The following PALMD variants were observed in gnomAD, a reference collection of about 807,000 sequenced individuals.
PALMD encodes palmdelphin.
A neutral mutation model predicts 56.2 loss-of-function variants in PALMD; 42 were observed. The observed-to-expected ratio is 0.75, with a 90% CI of 0.58 to 0.97. The LOEUF (loss-of-function observed/expected upper bound fraction) is 0.97. Among genes scored for constraint, PALMD ranks in the 50% least tolerant of loss-of-function variants. The pLI is 0.00. For missense variants in PALMD, 660 were observed against 643.8 expected, an observed-to-expected ratio of 1.03 and a Z score of -0.27; for synonymous variants, 242 against 222.9, an observed-to-expected ratio of 1.09 and a Z score of -0.76.
At chr1:99,679,981 C>T (rs541736861) in intron 3 of PALMD, among the ~76,000 whole-genome samples, 1 of 152,194 alleles carries the variant, frequency 6.6e-6, no homozygotes, top group East Asian at 1.9e-4. Context: ...AATGCTAACA[C>T]ATGAAGTACT....
At chr1:99,677,205 A>C (rs1018267859) in intron 3 of PALMD, among the ~76,000 whole-genome samples, 31 of 152,156 alleles carry the variant, frequency 2.0e-4, no homozygotes, top group Non-Finnish European at 7.4e-5. Flanking sequence ...TCTAGTTAAC[A>C]ACCTGAAATG....
At chr1:99,657,267 C>T (rs149824926) in intron 1 of PALMD, among the ~76,000 whole-genome samples, 3 of 152,160 alleles carry the variant, frequency 2.0e-5, no homozygotes, top group Admixed American at 6.5e-5. Flanking sequence ...TCAAACTTGG[C>T]GAATCCATCA....
chr1:99,665,190 G>A (rs1054626844), intron 2 of PALMD, among the ~76,000 whole-genome samples: 2 of 152,012 alleles, frequency 1.3e-5, no homozygotes, highest in African/African-American at 4.8e-5. Context: ...TGTAACTTCT[G>A]GGTAGATATA....
Position 99,662,393 on chromosome 1 carries a change from T to C in PALMD, c.120T>C (p.His40=). The stretch of plus-strand genomic sequence containing the variant: ...AGGAAGACAAACTAAAGCACCAGCA[T>C]TTGAAGGTAATTTATGGCTTTAATT... ...KIEEDKLKHQ[H]LKKKALREKW... is the part of the protein sequence containing the mutation. Residue 40 remains histidine (H), a synonymous_variant, in exon 2 of 8, where the codon CAT becomes CAC. Coordinates refer to ENST00000263174, the MANE Select transcript of PALMD (RefSeq NM_017734.5). The C allele has an allele frequency of 1.3e-6, 2 of 1,514,952 alleles. No homozygotes were observed. The highest frequency in any genetic ancestry group is 1.8e-6 in the Non-Finnish European group (2 of 1,099,426). The allele number at this position is 1,514,952 out of a possible 1,614,324, so 93.8% of individuals were successfully genotyped here.
chr1:99,659,931 G>C (rs1652810161), intron 1 of PALMD, among the ~76,000 whole-genome samples: 1 of 152,178 alleles, frequency 6.6e-6, no homozygotes, highest in Admixed American at 6.5e-5. Context: ...ACTTCGGATG[G>C]CATGCCTCTA....
intron 3 of PALMD, among the ~76,000 whole-genome samples, chr1:99,678,496 C>A (rs993639577): frequency 3.9e-5 from 6 of 152,118 alleles, no homozygotes; most frequent in Non-Finnish European, 7.4e-5. Context: ...TTAAGACAAC[C>A]TTTAGTGAAT....
intron 1 of PALMD, among the ~76,000 whole-genome samples, chr1:99,655,516 G>A (rs114235013): frequency 0.011 from 1,641 of 151,964 alleles, 30 homozygotes; most frequent in African/African-American, 0.038. Context: ...GGATTAATCC[G>A]TAATTTCACC....
At chr1:99,693,535 C>T (rs1196437812) in intron 7 of PALMD, among the ~76,000 whole-genome samples, 5 of 152,086 alleles carry the variant, frequency 3.3e-5, no homozygotes, top group East Asian at 3.9e-4. Context: ...TTGTTTCATT[C>T]GTAAAGAAAT....
intron 2 of PALMD, among the ~76,000 whole-genome samples, chr1:99,663,067 A>G (rs1652883241): frequency 6.6e-6 from 1 of 152,186 alleles, no homozygotes; most frequent in African/African-American, 2.4e-5. Context: ...AAAAGGCCCA[A>G]GCAGGAAACT....
chr1:99,683,137 A>C (rs1371075302), intron 3 of PALMD: 2 of 128,366 alleles, frequency 1.6e-5, no homozygotes, highest in Non-Finnish European at 1.6e-5. Context: ...AAAGAAAGAA[A>C]GAAAGAAAGA....
intron 3 of PALMD, among the ~76,000 whole-genome samples, chr1:99,673,167 A>G (rs2100865447): frequency 6.6e-6 from 1 of 152,350 alleles, no homozygotes. Flanking sequence ...AAAAGAGAGC[A>G]GGCAAAATTC....
chr1:99,663,520 C>T (rs527299813), intron 2 of PALMD, among the ~76,000 whole-genome samples: 1 of 152,126 alleles, frequency 6.6e-6, no homozygotes, highest in African/African-American at 2.4e-5. Context: ...GGCCATTTCT[C>T]ACTCCAAAAC....
intron 1 of PALMD, among the ~76,000 whole-genome samples, chr1:99,659,943 T>A (rs548669954): frequency 3.3e-5 from 5 of 152,298 alleles, no homozygotes; most frequent in Non-Finnish European, 5.9e-5. Flanking sequence ...ATGCCTCTAC[T>A]CACAGATTCA....
chr1:99,669,689 C>T (rs1376906136), intron 3 of PALMD: 2 of 152,260 alleles, frequency 1.3e-5, no homozygotes, highest in South Asian at 2.1e-4. Flanking sequence ...CTGAGTAATC[C>T]GAGTATTAAC....
chr1:99,681,630 T>C (rs963966135), intron 3 of PALMD, among the ~76,000 whole-genome samples: 2 of 152,182 alleles, frequency 1.3e-5, no homozygotes, highest in Non-Finnish European at 1.5e-5. Context: ...CAGGCATTCT[T>C]TTAGGTATCC....
chr1:99,656,866 G>A (rs1048998024), intron 1 of PALMD, among the ~76,000 whole-genome samples: 2 of 152,154 alleles, frequency 1.3e-5, no homozygotes, highest in Non-Finnish European at 2.9e-5. Flanking sequence ...TGGACCGTAG[G>A]ATCACTAGAT....
intron 1 of PALMD, among the ~76,000 whole-genome samples, chr1:99,647,363 A>G (rs1436518842): frequency 6.6e-6 from 1 of 152,224 alleles, no homozygotes; most frequent in African/African-American, 2.4e-5. Flanking sequence ...TGCATAACTA[A>G]TTATGCTAAT....
At chr1:99,659,111 G>T (rs187907200) in intron 1 of PALMD, among the ~76,000 whole-genome samples, 3 of 152,194 alleles carry the variant, frequency 2.0e-5, no homozygotes, top group Admixed American at 6.5e-5. Flanking sequence ...ACAGGACTAG[G>T]CATATTAGAA....
At chr1:99,677,248 GA>G (rs35017951) in intron 3 of PALMD, among the ~76,000 whole-genome samples, 5,556 of 151,824 alleles carry the variant, frequency 0.037, 278 homozygotes, top group African/African-American at 0.12. Flanking sequence ...GCAAATCAAT[GA>G]AAAAAATTAT....
Sources: gnomAD v4.1 joint callset for allele counts (sites outside exome capture counted in the v4.1 genomes callset) on GRCh38, gnomAD v4.1.1 for gene constraint, MANE v1.5 for transcripts, NCBI Gene and HGNC (gene_info 2026-07-23, HGNC 2026-07-21) for gene names.